Variants in ADIPOR2 observed in about 807,000 individuals in gnomAD.
The protein encoded by ADIPOR2 is adiponectin receptor 2.
ADIPOR2 carries 18 observed loss-of-function variants against 40.9 expected under a neutral mutation model. That is an observed-to-expected ratio of 0.44 (90% CI 0.30 to 0.65). ADIPOR2 has a LOEUF of 0.65. Among genes scored for constraint, ADIPOR2 ranks in the 30% least tolerant of loss-of-function variants. The pLI, the probability that ADIPOR2 is intolerant of heterozygous loss-of-function variation, is 0.09. For missense variants in ADIPOR2, 283 were observed against 479.2 expected (o/e 0.59, Z 3.82); for synonymous variants, 165 against 166.4 (o/e 0.99, Z 0.06).
chr12:1,713,096 C>T (rs2094680826), intron 1 of ADIPOR2, among the ~76,000 whole-genome samples: 2 of 152,094 alleles, frequency 1.3e-5, no homozygotes, highest in African/African-American at 4.8e-5. Context: ...TGAGGGCTAT[C>T]CCTGAACCTT....
chr12:1,741,454 AAT>A (rs2094742745), intron 1 of ADIPOR2, among the ~76,000 whole-genome samples: 2 of 152,098 alleles, frequency 1.3e-5, no homozygotes, highest in Admixed American at 6.6e-5. Context: ...AAGAGGGAGG[AAT>A]ATCTTTGGCA....
At chr12:1,694,669 T>A (rs1163084273) in intron 1 of ADIPOR2, among the ~76,000 whole-genome samples, 1 of 152,172 alleles carries the variant, frequency 6.6e-6, no homozygotes, top group Non-Finnish European at 1.5e-5. Context: ...AAAAAATTCC[T>A]TCTCATGCGC....
At chr12:1,758,526 T>C (rs1862196762) in intron 2 of ADIPOR2, among the ~76,000 whole-genome samples, 2 of 152,188 alleles carry the variant, frequency 1.3e-5, no homozygotes, top group Non-Finnish European at 2.9e-5. Context: ...GGAGTTGAAG[T>C]TGTTTGCTGA....
chr12:1,706,248 T>C (rs1467836893), intron 1 of ADIPOR2, among the ~76,000 whole-genome samples: 2 of 152,226 alleles, frequency 1.3e-5, no homozygotes, highest in African/African-American at 4.8e-5. Context: ...GTTACCTATG[T>C]AACAGCAGAG....
At chr12:1,719,379 A>G (rs894567797) in intron 1 of ADIPOR2, among the ~76,000 whole-genome samples, 2 of 152,186 alleles carry the variant, frequency 1.3e-5, no homozygotes, top group African/African-American at 4.8e-5. Context: ...CATTTATTTG[A>G]GAACAGTTTA....
At chr12:1,763,582 A>C (rs1460303463) in intron 2 of ADIPOR2, among the ~76,000 whole-genome samples, 1 of 148,388 alleles carries the variant, frequency 6.7e-6, no homozygotes, top group Non-Finnish European at 1.5e-5. Context: ...ATCTTTCTTT[A>C]TTTCTTTTTG....
At chr12:1,758,182 T>C (rs1453757255) in intron 2 of ADIPOR2, among the ~76,000 whole-genome samples, 1 of 152,266 alleles carries the variant, frequency 6.6e-6, no homozygotes, top group Non-Finnish European at 1.5e-5. Context: ...ATAATATTTG[T>C]GTTTTAATTT....
intron 1 of ADIPOR2, among the ~76,000 whole-genome samples, chr12:1,732,089 T>C (rs2094721742): frequency 1.3e-5 from 2 of 152,238 alleles, no homozygotes; most frequent in Admixed American, 1.3e-4. Context: ...ATCTACCCGC[T>C]GCTTGGTACC....
chr12:1,691,553 G>C (rs999004271), intron 1 of ADIPOR2, among the ~76,000 whole-genome samples: 2 of 152,244 alleles, frequency 1.3e-5, no homozygotes, highest in Non-Finnish European at 2.9e-5. Context: ...CCCGCGGAGA[G>C]GATCTGCCCG....
Position 1,707,892 on chromosome 12 carries a change from T to C in ADIPOR2, c.-87+16701T>C, listed in dbSNP as rs184357105. Among the ~76,000 whole-genome samples the C allele has an allele frequency of 1.3e-4, 20 of 152,314 alleles. No individual in the cohort carries two copies. In the East Asian group the frequency reaches 3.3e-3, roughly 25 times the overall value. ...TCTTAATTCATTTTTAAAAAAGCTT[T>C]TAAAAATTACTGAGTTACAAGTTCT... On this transcript the variant is annotated intron_variant, in intron 1 of 7. Coordinates refer to ENST00000357103, the MANE Select transcript of ADIPOR2 (RefSeq NM_024551.3).
At chr12:1,747,520 CGGTGGTG>C (rs1188387696) in intron 1 of ADIPOR2, among the ~76,000 whole-genome samples, 2 of 151,886 alleles carry the variant, frequency 1.3e-5, no homozygotes, top group African/African-American at 4.8e-5. Flanking sequence ...TTTTGTTGGG[CGGTGGTG>C]GGTGGTACGT....
chr12:1,704,913 A>G (rs1249108542), intron 1 of ADIPOR2, among the ~76,000 whole-genome samples: 1 of 152,184 alleles, frequency 6.6e-6, no homozygotes, highest in African/African-American at 2.4e-5. Flanking sequence ...ATATTGATAA[A>G]GATTGTAGAT....
chr12:1,744,120 T>G (rs2094749627), intron 1 of ADIPOR2, among the ~76,000 whole-genome samples: 1 of 152,136 alleles, frequency 6.6e-6, no homozygotes, highest in African/African-American at 2.4e-5. Flanking sequence ...TGTATTTTTT[T>G]TTTTGAGACG....
chr12:1,783,655 G>A (rs921677292), intron 6 of ADIPOR2, among the ~76,000 whole-genome samples: 14 of 152,146 alleles, frequency 9.2e-5, no homozygotes, highest in African/African-American at 2.4e-4. Flanking sequence ...CACTGCACCC[G>A]GCTGGCTCCT....
At chr12:1,782,917 T>C (rs1862746995) in intron 6 of ADIPOR2, among the ~76,000 whole-genome samples, 1 of 151,974 alleles carries the variant, frequency 6.6e-6, no homozygotes, top group Admixed American at 6.6e-5. Context: ...TTATAGGTTA[T>C]AGATTTAGAT....
In ADIPOR2 at chr12:1,754,601, C is replaced by A. The variant is rs1302277318; in HGVS notation, c.171+87C>A. 3.0e-6 allele frequency: 4 copies of A among 1,343,498 alleles called. No individual in the cohort carries two copies. The East Asian group carries it at 7.8e-5, about 26-fold the overall frequency. The allele number at this position is 1,343,498 out of a possible 1,614,324, so 83.2% of individuals were successfully genotyped here. ...GATATGGGGAAAAAAAAGTGGGGGT[C>A]CATTGCTGGAGGGAGGATGGGGTGG... On this transcript the variant is annotated intron_variant, in intron 2 of 7. Transcript: ENST00000357103.
intron 1 of ADIPOR2, among the ~76,000 whole-genome samples, chr12:1,743,581 G>A (rs957923716): frequency 4.6e-5 from 7 of 151,578 alleles, no homozygotes; most frequent in Admixed American, 1.3e-4. Flanking sequence ...AGGCTGAGGC[G>A]GGAGGATTGC....
At chr12:1,691,775 C>G (rs928847831) in intron 1 of ADIPOR2, among the ~76,000 whole-genome samples, 2 of 152,106 alleles carry the variant, frequency 1.3e-5, no homozygotes, top group African/African-American at 4.8e-5. Flanking sequence ...CTAAAATTAC[C>G]GATGACAGGG....
intron 1 of ADIPOR2, among the ~76,000 whole-genome samples, chr12:1,746,165 A>G (rs2094754543): frequency 6.6e-6 from 1 of 152,248 alleles, no homozygotes; most frequent in Non-Finnish European, 1.5e-5. Flanking sequence ...TAGTAACTAA[A>G]AGAGAGCTGG....
Sources: allele counts gnomAD v4.1 joint callset (sites outside exome capture counted in the v4.1 genomes callset), GRCh38; gene constraint gnomAD v4.1.1; transcripts MANE v1.5; gene names NCBI Gene and HGNC (gene_info 2026-07-23, HGNC 2026-07-21).